Variants in PCDHGA4 observed in about 807,000 individuals in gnomAD.
The protein encoded by PCDHGA4 is protocadherin gamma subfamily A, 4, also known as protocadherin gamma-A4.
Under a neutral mutation model 54.6 loss-of-function variants are expected in PCDHGA4, and 38 were observed. That is an observed-to-expected ratio of 0.70 (90% CI 0.54 to 0.91). The LOEUF (loss-of-function observed/expected upper bound fraction) is 0.91, where lower values mean the gene tolerates loss of function less well. PCDHGA4 is among the 40% of genes least tolerant of loss of function. The pLI is 0.00. For synonymous variants in PCDHGA4, 511 were observed against 512.9 expected (o/e 1.00, Z 0.05); for missense variants, 1,298 against 1,220.9 (o/e 1.06, Z -0.94).
intron 1 of PCDHGA4, chr5:141,384,682 G>C (rs1780361260): frequency 6.2e-7 from 1 of 1,614,222 alleles, no homozygotes; most frequent in Non-Finnish European, 8.5e-7. Context: ...GGTGGCGGTG[G>C]ACAAAGATTC....
rs70988802 is a variant in PCDHGA4 at position 141,450,006 on chromosome 5, C to CTATTTTTTTT, written c.2515-44800_2515-44799insATTTTTTTTT. ...CACATTGCATTTAGTTGCCATGTCTCTTTTTTTTTTTTTTTTTTGAGACAG... is the reference window on the plus strand; with the variant it reads ...CACATTGCATTTAGTTGCCATGTCTCTATTTTTTTTTTTTTTTTTTTTTTTTTTGAGACAG... On this transcript the variant is annotated intron_variant, in intron 1 of 3. Transcript: ENST00000571252. Among the ~76,000 whole-genome samples the CTATTTTTTTT allele has an allele frequency of 3.0e-5, 4 of 132,980 alleles. 1 individual carries two copies. The highest frequency in any genetic ancestry group is 5.6e-5 in the African/African-American group (2 of 35,572). 87.2% of individuals were successfully genotyped at this position (132,980 alleles called of 152,430 possible). A position where few individuals can be genotyped will look rare whatever the true frequency, so the allele number is the denominator to read the frequency against.
intron 1 of PCDHGA4, chr5:141,371,384 T>C: frequency 2.5e-6 from 4 of 1,613,984 alleles, no homozygotes; most frequent in Non-Finnish European, 3.4e-6. Flanking sequence ...ACACTGCATA[T>C]TGTAAAGTAC....
At position 141,489,380 on chromosome 5, in the gene PCDHGA4, A is replaced by G. The variant is rs753226956; in HGVS notation, c.2515-5427A>G. ...TCTGAGCCGGGGACGCTGGTGGGGA[A>G]TGTTGCTCAGGATCTGGGCTTAAAG... is the stretch of plus-strand genomic sequence containing the variant. On this transcript the variant is annotated intron_variant, in intron 1 of 3. Transcript: ENST00000571252. The surrounding 1 kb of genome is among the most constrained non-coding windows in gnomAD (Gnocchi z 4.5). The G allele has an allele frequency of 1.9e-6, 3 of 1,613,874 alleles. No individual in the cohort carries two copies. Among genetic ancestry groups the G allele is most frequent in the Admixed American group, 1.7e-5 (1 of 60,026 alleles).
chr5:141,482,661 T>A (rs1215403061), intron 1 of PCDHGA4, among the ~76,000 whole-genome samples: 2 of 151,742 alleles, frequency 1.3e-5, no homozygotes, highest in African/African-American at 4.9e-5. Flanking sequence ...TGAGCTATGA[T>A]CTAAAGGTTG....
At position 141,356,796 on chromosome 5, in the gene PCDHGA4, G is replaced by A. The variant is rs1760345671; in HGVS notation, c.1689G>A (p.Met563Ile). 1.2e-6 allele frequency: 2 copies of A among 1,614,028 alleles called. No individual in the cohort carries two copies. Among genetic ancestry groups the A allele is most frequent in the Non-Finnish European group, 8.5e-7 (1 of 1,179,910 alleles). ...AGTTTAGAGACCTGCAGCTGCTGATGACAGCCAGTGACAGTGGAGACCCTC... is the reference window on the plus strand; with the variant it reads ...AGTTTAGAGACCTGCAGCTGCTGATAACAGCCAGTGACAGTGGAGACCCTC... ...YEQFRDLQLL[M>I]TASDSGDPPL... The change falls in exon 1 of 4, where the codon ATG becomes ATA. Residue 563 changes from methionine to isoleucine, a missense_variant. Transcript: ENST00000571252.
intron 1 of PCDHGA4, among the ~76,000 whole-genome samples, chr5:141,474,703 C>G (rs2099353282): frequency 6.6e-6 from 1 of 152,188 alleles, no homozygotes; most frequent in Admixed American, 6.5e-5. Flanking sequence ...GTTCAAGGTT[C>G]TATTATACTT....
chr5:141,374,615 T>G lies in PCDHGA4; in HGVS notation c.2514+16994T>G, dbSNP rs777034606. ...ATTTAAGCTCAGTGGTAATAGTCACTTCTCAGTGGACGTGCAAAGCGAAGC... is the reference window on the plus strand; with the variant it reads ...ATTTAAGCTCAGTGGTAATAGTCACGTCTCAGTGGACGTGCAAAGCGAAGC... On this transcript the variant is annotated intron_variant, in intron 1 of 3. Coordinates refer to ENST00000571252, the MANE Select transcript of PCDHGA4 (RefSeq NM_018917.4). 108 of 1,613,570 alleles carry G rather than the reference T, an allele frequency of 6.7e-5. 1 individual carries two copies. In the East Asian group the frequency reaches 2.4e-3, roughly 35 times the overall value.
intron 1 of PCDHGA4, among the ~76,000 whole-genome samples, chr5:141,492,167 C>T (rs565536989): frequency 6.6e-6 from 1 of 152,344 alleles, no homozygotes; most frequent in East Asian, 1.9e-4. Context: ...CCTATCCCCG[C>T]ATCACCCAAC....
At chr5:141,375,705 C>G (rs1257909608) in intron 1 of PCDHGA4, 26 of 1,614,162 alleles carry the variant, frequency 1.6e-5, no homozygotes, top group Non-Finnish European at 2.1e-5. Context: ...GGGGACCCGC[C>G]TCTTAGCAGC....
chr5:141,398,781 A>G, intron 1 of PCDHGA4: 1 of 1,613,934 alleles, frequency 6.2e-7, no homozygotes, highest in South Asian at 1.1e-5. Flanking sequence ...TGGACGGTGG[A>G]CATCCACCCC....
intron 1 of PCDHGA4, chr5:141,361,702 G>A (rs999064726): frequency 1.2e-6 from 2 of 1,613,332 alleles, no homozygotes; most frequent in African/African-American, 1.3e-5. Flanking sequence ...CTTCGATCAT[G>A]AGCAGCTGCG....
chr5:141,356,470 G>A lies in PCDHGA4; in HGVS notation c.1363G>A (p.Ala455Thr), dbSNP rs1200759848. 7.4e-6 allele frequency: 12 copies of A among 1,613,636 alleles called. No individual in the cohort carries two copies. In the Middle Eastern group the frequency reaches 4.9e-4, roughly 66 times the overall value. Residue 455 changes from alanine to threonine, a missense_variant, in exon 1 of 4, where the codon GCC becomes ACC. Physicochemically the swap from Ala to Thr is moderately conservative, Grantham distance 58. Transcript: ENST00000571252. Reference sequence around the variant, plus strand: ...CTCAGAATATAACATCACTGTAACTGCCACTGACCAGGGAACTCCTCCACT... The same window carrying A: ...CTCAGAATATAACATCACTGTAACTACCACTGACCAGGGAACTCCTCCACT... ...EVSEYNITVT[A>T]TDQGTPPLST...
At chr5:141,480,221 T>C (rs2099514536) in intron 1 of PCDHGA4, among the ~76,000 whole-genome samples, 1 of 149,748 alleles carries the variant, frequency 6.7e-6, no homozygotes, top group Admixed American at 6.7e-5. Context: ...CTGAGCGACA[T>C]AGTGAGATCC....
intron 1 of PCDHGA4, chr5:141,409,594 C>A: frequency 1.2e-6 from 2 of 1,613,900 alleles, no homozygotes; most frequent in Non-Finnish European, 1.7e-6. Flanking sequence ...TGGCCGAGAA[C>A]AACCCGCCAG....
chr5:141,372,406 T>C, intron 1 of PCDHGA4: 7 of 1,614,058 alleles, frequency 4.3e-6, no homozygotes, highest in Non-Finnish European at 5.9e-6. Flanking sequence ...TTGCAAGAGA[T>C]ACAACCTGAC....
chr5:141,390,416 T>A, intron 1 of PCDHGA4: 2 of 1,124,674 alleles, frequency 1.8e-6, no homozygotes, highest in Non-Finnish European at 2.5e-6. Context: ...TGTAGTCAGT[T>A]AAAAAGCTGT....
At chr5:141,509,536 A>T (rs778275338) in intron 3 of PCDHGA4, among the ~76,000 whole-genome samples, 1 of 152,130 alleles carries the variant, frequency 6.6e-6, no homozygotes, top group Non-Finnish European at 1.5e-5. Context: ...AGGATGAAGC[A>T]CCATCTCATT....
chr5:141,388,424 GATAA>G, intron 1 of PCDHGA4: 1 of 1,613,812 alleles, frequency 6.2e-7, no homozygotes, highest in Non-Finnish European at 8.5e-7. Context: ...ATTTCTCACT[GATAA>G]ATAAAGAGAA....
chr5:141,502,242 CT>C (rs989546500), intron 2 of PCDHGA4, among the ~76,000 whole-genome samples: 27 of 151,950 alleles, frequency 1.8e-4, no homozygotes, highest in African/African-American at 6.3e-4. Context: ...TTCTTTTATC[CT>C]TTTTTTTAAT....
Sources: gnomAD v4.1 joint callset for allele counts (sites outside exome capture counted in the v4.1 genomes callset) on GRCh38, gnomAD v4.1.1 for gene constraint, Gnocchi (gnomAD v3.1) non-coding constraint, MANE v1.5 for transcripts, NCBI Gene and HGNC (gene_info 2026-07-23, HGNC 2026-07-21) for gene names.